CNTN5: variants seen among roughly 807,000 people sequenced by gnomAD.
The protein encoded by CNTN5 is contactin 5.
In CNTN5, 77 loss-of-function variants were observed where a neutral mutation model predicts 129.1. The observed-to-expected ratio is 0.60, with a 90% CI of 0.50 to 0.72. CNTN5 has a LOEUF of 0.72. CNTN5 is among the 30% of genes least tolerant of loss of function. The pLI is 0.00. For missense variants in CNTN5, 1,478 were observed against 1,328.8 expected (o/e 1.11, Z -1.75); for synonymous variants, 509 against 465.6 (o/e 1.09, Z -1.20).
chr11:100,050,046 C>G (rs1173269772), intron 9 of CNTN5, among the ~76,000 whole-genome samples: 2 of 152,156 alleles, frequency 1.3e-5, no homozygotes, highest in African/African-American at 2.4e-5. Context: ...ACTAGTTCAA[C>G]CATTGTGGAA....
chr11:100,232,704 C>T (rs1157696180), intron 16 of CNTN5, among the ~76,000 whole-genome samples: 1 of 152,154 alleles, frequency 6.6e-6, no homozygotes, highest in Non-Finnish European at 1.5e-5. Context: ...TAGTATGTGG[C>T]AGGCATCGAG....
At chr11:99,109,214 A>G (rs1857667406) in intron 1 of CNTN5, among the ~76,000 whole-genome samples, 1 of 151,816 alleles carries the variant, frequency 6.6e-6, no homozygotes, top group African/African-American at 2.4e-5. Flanking sequence ...TCATATATAT[A>G]TTAATCCAAT....
At chr11:99,834,160 A>C (rs996837990) in intron 4 of CNTN5, among the ~76,000 whole-genome samples, 1 of 152,144 alleles carries the variant, frequency 6.6e-6, no homozygotes, top group Middle Eastern at 3.2e-3. Flanking sequence ...TCAGAACTTA[A>C]CCAGAGGTTG....
rs888138536 is a variant in CNTN5, at chr11:100,346,737, C to T, written c.3031-3965C>T. ...AGGGCAAATAGAAGGAAATCAGGCCCAAAGTTTACTAGTTATTATACAGTC... is the reference window on the plus strand; with the variant it reads ...AGGGCAAATAGAAGGAAATCAGGCCTAAAGTTTACTAGTTATTATACAGTC... On this transcript the variant is annotated intron_variant, in intron 23 of 24. Coordinates refer to ENST00000524871, the MANE Select transcript of CNTN5 (RefSeq NM_014361.4). Among the ~76,000 whole-genome samples, 3 of 152,008 alleles carry T rather than the reference C, an allele frequency of 2.0e-5. No individual in the cohort carries two copies. The East Asian group carries it at 5.8e-4, about 29-fold the overall frequency.
chr11:99,620,765 A>G (rs557857235), intron 3 of CNTN5, among the ~76,000 whole-genome samples: 175 of 152,170 alleles, frequency 1.2e-3, no homozygotes, highest in Middle Eastern at 6.8e-3. Context: ...ATTTTGAAAA[A>G]AATAGGGGAC....
At chr11:99,117,199 C>T (rs751600813) in intron 1 of CNTN5, among the ~76,000 whole-genome samples, 34 of 152,062 alleles carry the variant, frequency 2.2e-4, no homozygotes, top group Non-Finnish European at 3.7e-4. Flanking sequence ...GCTTCTCTCC[C>T]CACCAAATTC....
At chr11:100,309,488 A>G in intron 21 of CNTN5, 1 of 968,252 alleles carries the variant, frequency 1.0e-6, no homozygotes, top group Non-Finnish European at 1.2e-6. Context: ...CTACTTATAC[A>G]ATATCATGGA....
chr11:99,890,885 C>T (rs373396103), intron 6 of CNTN5, among the ~76,000 whole-genome samples: 4 of 152,064 alleles, frequency 2.6e-5, no homozygotes, highest in African/African-American at 9.7e-5. Context: ...GGCACTTTAC[C>T]TCTGTGATCT....
chr11:99,626,845 C>T (rs1215947393), intron 3 of CNTN5, among the ~76,000 whole-genome samples: 1 of 152,108 alleles, frequency 6.6e-6, no homozygotes, highest in Non-Finnish European at 1.5e-5. Context: ...GATCATTATA[C>T]ATTCTATGCA....
intron 3 of CNTN5, among the ~76,000 whole-genome samples, chr11:99,773,600 T>G (rs1260703613): frequency 1.3e-5 from 2 of 151,990 alleles, no homozygotes; most frequent in Admixed American, 6.6e-5. Flanking sequence ...GGAAAAAAAA[T>G]GGTCATTTTA....
At chr11:99,968,281 A>T (rs1007072531) in intron 8 of CNTN5, among the ~76,000 whole-genome samples, 9 of 152,196 alleles carry the variant, frequency 5.9e-5, no homozygotes. Context: ...TAGGAAATTC[A>T]TCAGTTGTCA....
intron 3 of CNTN5, among the ~76,000 whole-genome samples, chr11:99,582,729 A>T (rs1371791136): frequency 1.3e-5 from 2 of 151,942 alleles, no homozygotes; most frequent in Non-Finnish European, 2.9e-5. Flanking sequence ...CATTTGTCTA[A>T]TTTTTTTCAA....
intron 6 of CNTN5, among the ~76,000 whole-genome samples, chr11:99,906,049 G>T (rs1462169168): frequency 6.6e-6 from 1 of 152,114 alleles, no homozygotes; most frequent in Non-Finnish European, 1.5e-5. Context: ...AGACGATAGG[G>T]TTTGCTATAT....
At chr11:99,844,795 C>A in intron 4 of CNTN5, 57 bp from the exon 5 acceptor site, 4 of 1,522,802 alleles carry the variant, frequency 2.6e-6, no homozygotes, top group South Asian at 2.6e-5. Context: ...AAGAAAAAAA[C>A]ACAAAATATC....
intron 21 of CNTN5, among the ~76,000 whole-genome samples, chr11:100,338,508 C>A (rs1952083411): frequency 6.6e-6 from 1 of 152,098 alleles, no homozygotes. Context: ...CTATTTCCAC[C>A]ACAGTAATTA....
rs74917821 is a variant in CNTN5 at position 99,121,463 on chromosome 11, A to T, written c.-210+100193A>T. ...TAGCTATTCTTTCATTCCCTGTACAAAACAACACAAAGACACATCCTGCCA... is the reference window on the plus strand; with the variant it reads ...TAGCTATTCTTTCATTCCCTGTACATAACAACACAAAGACACATCCTGCCA... On this transcript the variant is annotated intron_variant, in intron 1 of 24. Coordinates refer to ENST00000524871, the MANE Select transcript of CNTN5 (RefSeq NM_014361.4). Among the ~76,000 whole-genome samples, 839 of 152,214 alleles carry T rather than the reference A, an allele frequency of 5.5e-3. 9 individuals are homozygous for T. Among genetic ancestry groups the T allele is most frequent in the African/African-American group, 0.02 (812 of 41,558 alleles).
At chr11:99,408,502 G>GAAAA (rs1942238791) in intron 2 of CNTN5, among the ~76,000 whole-genome samples, 1 of 146,476 alleles carries the variant, frequency 6.8e-6, no homozygotes, top group Non-Finnish European at 1.5e-5. Context: ...AAGAAAGAAA[G>GAAAA]AAAGTTAGTT....
intron 1 of CNTN5, among the ~76,000 whole-genome samples, chr11:99,060,245 T>C (rs1237685390): frequency 6.6e-6 from 1 of 151,998 alleles, no homozygotes; most frequent in Non-Finnish European, 1.5e-5. Context: ...AGTCTAATAC[T>C]AGGCTATAAT....
intron 1 of CNTN5, among the ~76,000 whole-genome samples, chr11:99,079,951 T>C (rs1428534134): frequency 6.6e-6 from 1 of 152,210 alleles, no homozygotes; most frequent in Non-Finnish European, 1.5e-5. Flanking sequence ...ATATCTGTTT[T>C]CTCTTCTATC....
Sources: allele counts gnomAD v4.1 joint callset (sites outside exome capture counted in the v4.1 genomes callset), GRCh38; gene constraint gnomAD v4.1.1; transcripts MANE v1.5; gene names NCBI Gene and HGNC (gene_info 2026-07-23, HGNC 2026-07-21).